EHBP1: variants seen among roughly 807,000 people sequenced by gnomAD.
EHBP1 encodes EH domain binding protein 1.
In EHBP1, 55 loss-of-function variants were observed where a neutral mutation model predicts 144.0. That is an observed-to-expected ratio of 0.38 (90% CI 0.31 to 0.48). EHBP1 has a LOEUF of 0.48. Among genes scored for constraint, EHBP1 ranks in the 20% least tolerant of loss-of-function variants. The pLI, the probability that EHBP1 is intolerant of heterozygous loss-of-function variation, is 0.98. For synonymous variants in EHBP1, 469 were observed against 472.7 expected (o/e 0.99, Z 0.10); for missense variants, 1,200 against 1,364.2 (o/e 0.88, Z 1.90).
chr2:62,886,861 T>A (rs1000717194), intron 10 of EHBP1, among the ~76,000 whole-genome samples: 22 of 152,298 alleles, frequency 1.4e-4, no homozygotes, highest in Admixed American at 8.5e-4. Context: ...TTAAAATATA[T>A]ATATGTTGAC....
chr2:62,698,804 T>A (rs1443180220), intron 1 of EHBP1, among the ~76,000 whole-genome samples: 1 of 152,218 alleles, frequency 6.6e-6, no homozygotes, highest in East Asian at 1.9e-4. Flanking sequence ...GGAATTTTTC[T>A]CTATCTTGCC....
intron 19 of EHBP1, among the ~76,000 whole-genome samples, chr2:63,023,313 A>G (rs2060835844): frequency 6.6e-6 from 1 of 152,258 alleles, no homozygotes; most frequent in Admixed American, 6.5e-5. Context: ...TTTTTTAGAG[A>G]AACAAAGATT....
intron 10 of EHBP1, among the ~76,000 whole-genome samples, chr2:62,884,853 A>G (rs1256301360): frequency 6.6e-6 from 1 of 152,186 alleles, no homozygotes; most frequent in Non-Finnish European, 1.5e-5. Context: ...GTCTTACTAC[A>G]TTTAGTATAC....
chr2:62,769,788 G>T (rs1262540657), intron 4 of EHBP1, among the ~76,000 whole-genome samples: 2 of 138,306 alleles, frequency 1.4e-5, no homozygotes, highest in Admixed American at 1.5e-4. Context: ...AAACAGCATG[G>T]TACTGGTAAA....
chr2:62,743,178 A>G (rs987794007), intron 2 of EHBP1, among the ~76,000 whole-genome samples: 1 of 152,114 alleles, frequency 6.6e-6, no homozygotes, highest in African/African-American at 2.4e-5. Flanking sequence ...TTCTTAGAAA[A>G]TATTTTTAAT....
intron 10 of EHBP1, among the ~76,000 whole-genome samples, chr2:62,893,940 G>A (rs921512624): frequency 6.6e-6 from 1 of 151,942 alleles, no homozygotes; most frequent in Non-Finnish European, 1.5e-5. Context: ...AGCTAGTAGG[G>A]AGACTGAGGC....
In EHBP1 at chr2:62,996,772, G is replaced by A; in HGVS notation, c.3103+6G>A. The stretch of plus-strand genomic sequence containing the variant: ...TCGCTATCTCATGGACACAGGTACG[G>A]TGCCCAATTACACTGTAAACAGTTT... On this transcript the variant is annotated splice_donor_region_variant and intron_variant, in intron 19 of 22. Coordinates refer to ENST00000431489, the MANE Select transcript of EHBP1 (RefSeq NM_001142616.3). 1.2e-6 allele frequency: 2 copies of A among 1,611,216 alleles called. No individual in the cohort carries two copies. Among genetic ancestry groups the A allele is most frequent in the Non-Finnish European group, 1.7e-6 (2 of 1,178,888 alleles).
Position 62,948,851 on chromosome 2 carries a change from G to A in EHBP1, c.2005G>A (p.Asp669Asn). The A allele has an allele frequency of 6.2e-7, 1 of 1,614,106 alleles. No homozygotes were observed. Residue 669 changes from aspartate (D) to asparagine (N), a missense_variant, in exon 13 of 23, where the codon GAT (aspartate) becomes AAT (asparagine). Asp to Asn is a conservative substitution (Grantham distance 23). Coordinates refer to ENST00000431489, the MANE Select transcript of EHBP1 (RefSeq NM_001142616.3). ...TLELSDLYVS[D>N]KKKDMSPPFI... Reference sequence around the variant, plus strand: ...AGAATTGAGTGACTTATATGTTAGTGATAAGAAGAAGGATATGTCTCCACC... The same window carrying A: ...AGAATTGAGTGACTTATATGTTAGTAATAAGAAGAAGGATATGTCTCCACC...
chr2:62,769,334 A>C (rs1030646052), intron 4 of EHBP1, among the ~76,000 whole-genome samples: 2 of 152,216 alleles, frequency 1.3e-5, no homozygotes, highest in African/African-American at 4.8e-5. Flanking sequence ...ATCAATGTGT[A>C]AAAATCACTA....
intron 5 of EHBP1, among the ~76,000 whole-genome samples, chr2:62,797,334 G>A (rs1217753829): frequency 6.6e-6 from 1 of 152,188 alleles, no homozygotes; most frequent in Non-Finnish European, 1.5e-5. Flanking sequence ...GGCACCAGTT[G>A]ATTGGCAGAA....
chr2:62,970,048 G>A (rs2058425606), intron 14 of EHBP1, among the ~76,000 whole-genome samples: 1 of 150,858 alleles, frequency 6.6e-6, no homozygotes, highest in Non-Finnish European at 1.5e-5. Context: ...GTAAGTGAGT[G>A]GGCACACTTT....
intron 2 of EHBP1, among the ~76,000 whole-genome samples, chr2:62,736,489 G>T (rs559510819): frequency 3.3e-5 from 5 of 152,060 alleles, no homozygotes; most frequent in South Asian, 4.1e-4. Context: ...CTCGCAAAGC[G>T]CTGGGATTAT....
At chr2:62,849,979 A>G (rs1165894140) in intron 7 of EHBP1, among the ~76,000 whole-genome samples, 1 of 152,172 alleles carries the variant, frequency 6.6e-6, no homozygotes, top group Non-Finnish European at 1.5e-5. Flanking sequence ...TCAAAAAAGA[A>G]CAGATTTAGG....
At chr2:62,781,711 A>G (rs1033708485) in intron 5 of EHBP1, among the ~76,000 whole-genome samples, 1 of 152,042 alleles carries the variant, frequency 6.6e-6, no homozygotes, top group African/African-American at 2.4e-5. Flanking sequence ...TTTATATTTC[A>G]CTTTTTAAAG....
At chr2:62,994,172 A>C (rs2059537613) in intron 18 of EHBP1, 195 bp downstream of exon 18, 1 of 349,224 alleles carries the variant, frequency 2.9e-6, no homozygotes, top group South Asian at 6.5e-5. Context: ...AAAAAAAATG[A>C]ATTTTTCAGA....
intron 2 of EHBP1, among the ~76,000 whole-genome samples, chr2:62,744,881 A>G (rs1048711394): frequency 6.6e-6 from 1 of 152,114 alleles, no homozygotes; most frequent in Non-Finnish European, 1.5e-5. Flanking sequence ...TTCAAGTCAA[A>G]CAGTGGTTGT....
At chr2:62,759,838 A>C (rs1456009591) in intron 3 of EHBP1, among the ~76,000 whole-genome samples, 1 of 152,218 alleles carries the variant, frequency 6.6e-6, no homozygotes, top group Admixed American at 6.5e-5. Flanking sequence ...TTCTAGGTTC[A>C]GATTACCACT....
intron 8 of EHBP1, 131 bp from the exon 9 acceptor site, chr2:62,864,600 T>A (rs1333332885): frequency 1.2e-6 from 1 of 815,354 alleles, no homozygotes. Context: ...ATTGTTTTAT[T>A]ATTGCTTTGC....
At chr2:62,863,429 G>A (rs1451516913) in intron 8 of EHBP1, among the ~76,000 whole-genome samples, 1 of 151,994 alleles carries the variant, frequency 6.6e-6, no homozygotes. Context: ...GCAACAGAGT[G>A]AAACTGTGTC....
Sources: allele counts gnomAD v4.1 joint callset (sites outside exome capture counted in the v4.1 genomes callset), GRCh38; gene constraint gnomAD v4.1.1; transcripts MANE v1.5; gene names NCBI Gene and HGNC (gene_info 2026-07-23, HGNC 2026-07-21).